The following TTC3 variants were observed in gnomAD, a reference collection of about 807,000 sequenced individuals.
The protein encoded by TTC3 is E3 ubiquitin-protein ligase TTC3.
In TTC3, 180 loss-of-function variants were observed where a neutral mutation model predicts 249.6. The observed-to-expected ratio is 0.72, with a 90% CI of 0.64 to 0.82. TTC3 has a LOEUF of 0.82. Among genes scored for constraint, TTC3 ranks in the 40% least tolerant of loss-of-function variants. The probability of loss-of-function intolerance (pLI) is 0.00; values close to 1 mark genes in which losing one functional copy is unlikely to be tolerated. For missense variants in TTC3, 2,061 were observed against 2,398.4 expected (o/e 0.86, Z 2.94); for synonymous variants, 717 against 805.0 (o/e 0.89, Z 1.85).
At chr21:37,150,853 C>T (rs762611826) in exon 25 of TTC3, 1 of 1,610,892 alleles carries the variant, frequency 6.2e-7, no homozygotes, top group African/African-American at 1.3e-5. Context: ...AAAGGTTCCT[C>T]CAAGACCTAT....
intron 34 of TTC3, among the ~76,000 whole-genome samples, chr21:37,171,711 G>A (rs1054230105): frequency 2.0e-5 from 3 of 152,176 alleles, no homozygotes; most frequent in African/African-American, 7.2e-5. Flanking sequence ...TAAACTTTCG[G>A]TCTGAGCAGA....
chr21:37,126,186 T>C (rs747817491), intron 15 of TTC3, 43 bp downstream of exon 15: 115 of 1,588,202 alleles, frequency 7.2e-5, no homozygotes, highest in Non-Finnish European at 5.8e-5. Context: ...GTTAATATAA[T>C]GTCTCCTAAA....
chr21:37,149,074 A>G lies in TTC3; in HGVS notation c.2118+427A>G, dbSNP rs532683188. ...TGTACTAAGAAGTCAACTCAAAACAATTTTTTTAATGTTGGGAAGAAAGAT... is the reference window on the plus strand; with the variant it reads ...TGTACTAAGAAGTCAACTCAAAACAGTTTTTTTAATGTTGGGAAGAAAGAT... On this transcript the variant is annotated intron_variant, in intron 23 of 45. Coordinates refer to ENST00000355666, the Ensembl canonical transcript of TTC3. 1.4e-4 allele frequency among the ~76,000 whole-genome samples: 21 copies of G among 152,294 alleles called. 2 individuals are homozygous for G. The South Asian group carries it at 4.1e-3, about 30-fold the overall frequency.
At chr21:37,105,277 G>C (rs1440039101) in intron 10 of TTC3, among the ~76,000 whole-genome samples, 1 of 152,096 alleles carries the variant, frequency 6.6e-6, no homozygotes, top group Admixed American at 6.5e-5. Context: ...AGGTGTTTGG[G>C]GAGAGAGACC....
At chr21:37,189,898 G>T (rs2083806041) in intron 39 of TTC3, among the ~76,000 whole-genome samples, 2 of 88 alleles carry the variant, frequency 0.023, no homozygotes, top group South Asian at 0.071. Flanking sequence ...TTAAGATAAG[G>T]CTTGCTGGGA....
intron 11 of TTC3, among the ~76,000 whole-genome samples, chr21:37,116,646 A>C (rs1601554839): frequency 6.6e-6 from 1 of 151,910 alleles, no homozygotes; most frequent in East Asian, 1.9e-4. Context: ...CCGTCTCTAC[A>C]AAAAAATTTT....
chr21:37,129,816 T>G (rs1316442883), intron 16 of TTC3, among the ~76,000 whole-genome samples: 1 of 152,128 alleles, frequency 6.6e-6, no homozygotes, highest in Non-Finnish European at 1.5e-5. Context: ...TAACTAAAAC[T>G]AAATGTTTTT....
chr21:37,181,628 T>C (rs1414721469), intron 35 of TTC3, among the ~76,000 whole-genome samples: 1 of 152,218 alleles, frequency 6.6e-6, no homozygotes, highest in Non-Finnish European at 1.5e-5. Flanking sequence ...CTAAGAACAG[T>C]TGTCCTGTGC....
chr21:37,081,109 CTTTTTTTT>C (rs58809719), intron 1 of TTC3, among the ~76,000 whole-genome samples: 1 of 58,166 alleles, frequency 1.7e-5, no homozygotes, highest in Non-Finnish European at 3.3e-5. Context: ...TTATTTATGC[CTTTTTTTT>C]TTTTTTTTTT....
rs376901121 is a variant in TTC3 at position 37,134,910 on chromosome 21, T to G, written c.1444-470T>G. Among the ~76,000 whole-genome samples the G allele has an allele frequency of 1.1e-4, 16 of 152,228 alleles. No individual in the cohort carries two copies. The East Asian group carries it at 3.1e-3, about 29-fold the overall frequency. Reference sequence around the variant, plus strand: ...GGAGTACAGTTAACAATTACAGTATTTATTTCTTGCTTAGAATTAAGGTTT... The same window carrying G: ...GGAGTACAGTTAACAATTACAGTATGTATTTCTTGCTTAGAATTAAGGTTT... On this transcript the variant is annotated intron_variant, in intron 17 of 45. Transcript: ENST00000355666.
intron 1 of TTC3, among the ~76,000 whole-genome samples, chr21:37,085,442 G>A (rs936095479): frequency 3.3e-5 from 5 of 152,166 alleles, no homozygotes; most frequent in Non-Finnish European, 5.9e-5. Context: ...TGGTCGAAGT[G>A]GAAACCAAAT....
intron 30 of TTC3, among the ~76,000 whole-genome samples, chr21:37,161,488 G>A (rs2080745498): frequency 6.6e-6 from 1 of 152,206 alleles, no homozygotes; most frequent in African/African-American, 2.4e-5. Context: ...TATTGCCCAG[G>A]CTGTTCTAGA....
rs189165512 is a variant in TTC3, at chr21:37,195,961, G to A, written c.5504G>A (p.Arg1835His). The A allele has an allele frequency of 2.0e-4, 324 of 1,614,106 alleles. 1 individual carries two copies. The Middle Eastern group carries it at 5.0e-3, about 25-fold the overall frequency. Residue 1835 changes from arginine (R) to histidine (H), a missense_variant, in exon 42 of 46, where the codon CGT (arginine) becomes CAT (histidine). Arg to His is a conservative substitution (Grantham distance 29). Around this residue, in one of 3 missense-constraint regions of TTC3, gnomAD observed 1,040 missense variants for 1,186.1 expected, o/e 0.88. Transcript: ENST00000355666. ...CCTGTTCCTCCAGGACGTGCTGCGC[G>A]TTCAAGCCAGTCTCCAAAAAAGCCG...
chr21:37,150,199 A>G, intron 24 of TTC3, 29 bp downstream of exon 24: 1 of 1,483,668 alleles, frequency 6.7e-7, no homozygotes, highest in Non-Finnish European at 9.4e-7. Context: ...ACCTTGTTAG[A>G]TAGATAACCA....
In TTC3 at chr21:37,134,467, G is replaced by A. The variant is rs114391287; in HGVS notation, c.1444-913G>A. On this transcript the variant is annotated intron_variant, in intron 17 of 45. Coordinates refer to ENST00000355666, the Ensembl canonical transcript of TTC3. The stretch of plus-strand genomic sequence containing the variant: ...CCATCTCAAAAAAAAAAAGCCAGCA[G>A]AAGGCTTTTGTTAATGGGTAACCAA... Among the ~76,000 whole-genome samples, 966 of 151,884 alleles carry A rather than the reference G, an allele frequency of 6.4e-3. 7 individuals are homozygous for A. The highest frequency in any genetic ancestry group is 0.022 in the African/African-American group (914 of 41,474).
Position 37,185,770 on chromosome 21 carries a change from A to G in TTC3, c.4822A>G (p.Ile1608Val), listed in dbSNP as rs369492994. ...ATTACATCTGGATCAGTCCCTTGAA[A>G]TCAGGCAAATTAAGCTTAAATTTAT... Residue 1608 changes from isoleucine to valine, a missense_variant, in exon 37 of 46, where the codon ATC (isoleucine) becomes GTC (valine). By Grantham distance (29) the Ile-to-Val change is conservative (BLOSUM62 3). Coordinates refer to ENST00000355666, the Ensembl canonical transcript of TTC3. 144 of 1,534,940 alleles carry G rather than the reference A, an allele frequency of 9.4e-5. No individual in the cohort carries two copies. Among genetic ancestry groups the G allele is most frequent in the Non-Finnish European group, 1.2e-4 (135 of 1,143,886 alleles).
At chr21:37,178,413 T>A (rs1223804683) in intron 35 of TTC3, among the ~76,000 whole-genome samples, 1 of 152,218 alleles carries the variant, frequency 6.6e-6, no homozygotes, top group African/African-American at 2.4e-5. Flanking sequence ...AAAACCATCC[T>A]ACCAGCAGTA....
At chr21:37,123,667 T>G (rs991644286) in intron 13 of TTC3, among the ~76,000 whole-genome samples, 1 of 152,222 alleles carries the variant, frequency 6.6e-6, no homozygotes, top group Non-Finnish European at 1.5e-5. Context: ...AAATTGGCTG[T>G]GGAGGCTTTA....
intron 36 of TTC3, among the ~76,000 whole-genome samples, chr21:37,184,115 A>G (rs1440952411): frequency 6.6e-6 from 1 of 152,196 alleles, no homozygotes; most frequent in Non-Finnish European, 1.5e-5. Context: ...TTGATGATCA[A>G]AGTAGCTTCA....
Sources: allele counts gnomAD v4.1 joint callset (sites outside exome capture counted in the v4.1 genomes callset), GRCh38; gene constraint gnomAD v4.1.1; regional missense constraint gnomAD v4.1.1; transcripts MANE v1.5; gene names NCBI Gene and HGNC (gene_info 2026-07-23, HGNC 2026-07-21).